ARHGEF10L: variants seen among roughly 807,000 people sequenced by gnomAD.
ARHGEF10L encodes Rho guanine nucleotide exchange factor 10 like.
In ARHGEF10L, 69 loss-of-function variants were observed where a neutral mutation model predicts 141.2. The ratio of observed to expected loss-of-function variants is 0.49; its 90% confidence interval spans 0.40 to 0.60. The LOEUF is 0.60. ARHGEF10L is among the 20% of genes least tolerant of loss of function. ARHGEF10L has a pLI of 0.00. For missense variants in ARHGEF10L, 1,482 were observed against 1,734.3 expected (o/e 0.85, Z 2.58); for synonymous variants, 711 against 718.5 (o/e 0.99, Z 0.17).
chr1:17,529,976 G>A, the ARHGEF10L span, among the ~76,000 whole-genome samples: 1 of 151,956 alleles, frequency 6.6e-6, no homozygotes, highest in Non-Finnish European at 1.5e-5. Flanking sequence ...GGGACTACAG[G>A]CGCCTGCCAC....
At chr1:17,566,893 G>T (rs2077777947) in intron 1 of ARHGEF10L, among the ~76,000 whole-genome samples, 1 of 152,022 alleles carries the variant, frequency 6.6e-6, no homozygotes, top group African/African-American at 2.4e-5. Context: ...GGATGCCAAG[G>T]GATGCAGACT....
chr1:17,614,001 G>T (rs1401581356), intron 8 of ARHGEF10L, among the ~76,000 whole-genome samples: 7 of 152,220 alleles, frequency 4.6e-5, no homozygotes, highest in Non-Finnish European at 7.3e-5. Context: ...AGTGGCTGTT[G>T]TTATCTACAT....
At chr1:17,571,907 G>C (rs2078017195) in intron 1 of ARHGEF10L, among the ~76,000 whole-genome samples, 2 of 152,160 alleles carry the variant, frequency 1.3e-5, no homozygotes, top group African/African-American at 4.8e-5. Context: ...TTCTACCCTA[G>C]AAAGACGTCC....
Position 17,623,602 on chromosome 1 carries a change from G to A in ARHGEF10L, c.1200+427G>A, listed in dbSNP as rs534444503. ...GGGAAAGGGCACTGGCTCACGATCC[G>A]GGGGACCTGGTTCTGGTCCCAGCTC... On this transcript the variant is annotated intron_variant, in intron 12 of 28. Coordinates refer to ENST00000361221, the MANE Select transcript of ARHGEF10L (RefSeq NM_018125.4). The surrounding 1 kb of genome is among the most constrained non-coding windows in gnomAD (Gnocchi z 4.7). 2.0e-5 allele frequency among the ~76,000 whole-genome samples: 3 copies of A among 152,258 alleles called. No homozygotes were observed. The highest frequency in any genetic ancestry group is 6.5e-5 in the Admixed American group (1 of 15,294).
chr1:17,632,566 T>A (rs2060760938), intron 16 of ARHGEF10L, 100 bp downstream of exon 16: 12 of 1,507,150 alleles, frequency 8.0e-6, no homozygotes, highest in Non-Finnish European at 8.2e-6. Flanking sequence ...TGGGACCCCA[T>A]GTGAGCTTGG....
At chr1:17,618,210 C>A in intron 9 of ARHGEF10L, 1 of 1,016,834 alleles carries the variant, frequency 9.8e-7, no homozygotes, top group Non-Finnish European at 1.4e-6. Context: ...GGAACTCTTC[C>A]TGGGTCACCC....
intron 9 of ARHGEF10L, chr1:17,618,631 A>T: frequency 1.2e-6 from 1 of 816,934 alleles, no homozygotes; most frequent in African/African-American, 1.8e-5. Context: ...GCCCACAGCC[A>T]CCGCTGGAGT....
rs763675472 is a variant in ARHGEF10L at position 17,644,729 on chromosome 1, C to G, written c.2273-3825C>G. Among the ~76,000 whole-genome samples the G allele has an allele frequency of 6.6e-6, 1 of 151,858 alleles. No individual in the cohort carries two copies. The highest frequency in any genetic ancestry group is 6.6e-5 in the Admixed American group (1 of 15,254). On this transcript the variant is annotated intron_variant, in intron 21 of 28. Transcript: ENST00000361221. This position sits in a 1 kb window ranked among gnomAD's most constrained non-coding sequence, Gnocchi z 4.5. ...CCCAGTAGGAGTCTGGGAGGCAGGTCGGGCTGGAGAAGCAGGGCTGGGCCC... is the reference window on the plus strand; with the variant it reads ...CCCAGTAGGAGTCTGGGAGGCAGGTGGGGCTGGAGAAGCAGGGCTGGGCCC...
At chr1:17,686,074 TTTTTTTTCTTTC>T (rs1243472261) in intron 26 of ARHGEF10L, among the ~76,000 whole-genome samples, 2 of 137,242 alleles carry the variant, frequency 1.5e-5, no homozygotes, top group Admixed American at 6.9e-5. Context: ...TTTTGTTTTG[TTTTTTTTCTTTC>T]TTTCTTTCTT....
chr1:17,539,545 G>A (rs568324495), upstream of ARHGEF10L, among the ~76,000 whole-genome samples: 87 of 151,962 alleles, frequency 5.7e-4, 2 homozygotes, highest in South Asian at 0.018. This position sits in a 1 kb window ranked among gnomAD's most constrained non-coding sequence, Gnocchi z 6.0. Flanking sequence ...TGCCGGGACC[G>A]CTGGGGGCTC....
chr1:17,537,566 G>A (rs1404304452), upstream of ARHGEF10L, among the ~76,000 whole-genome samples: 1 of 152,156 alleles, frequency 6.6e-6, no homozygotes, highest in African/African-American at 2.4e-5. Flanking sequence ...AGGAGGGAGA[G>A]GTCAGGGAAT....
chr1:17,595,631 C>T (rs75240312), intron 4 of ARHGEF10L, among the ~76,000 whole-genome samples: 35 of 152,190 alleles, frequency 2.3e-4, no homozygotes, highest in African/African-American at 5.8e-4. Context: ...GAGAGACACA[C>T]GGGGTCCTGG....
At chr1:17,556,273 G>GGC (rs1553171061) in intron 1 of ARHGEF10L, among the ~76,000 whole-genome samples, 6 of 50,790 alleles carry the variant, frequency 1.2e-4, no homozygotes, top group African/African-American at 5.5e-4. Context: ...GCATGGCGGC[G>GGC]GGGGGGGGGC....
Position 17,654,719 on chromosome 1 carries a change from C to T in ARHGEF10L, c.2478C>T (p.Leu826=). Reference sequence around the variant, plus strand: ...GCACCTCCCTTCCACAGGGCTACCTCTGGGTGAGTCACCCCCCTGCCCAGC... The same window carrying T: ...GCACCTCCCTTCCACAGGGCTACCTTTGGGTGAGTCACCCCCCTGCCCAGC... ...AVSTSLPQGY[L]WVGGGQEGAG... The change falls in exon 23 of 29, where the codon CTC becomes CTT. Residue 826 remains leucine, a synonymous_variant. Transcript: ENST00000361221. The surrounding 1 kb of genome is among the most constrained non-coding windows in gnomAD (Gnocchi z 4.3). 1 of 1,613,872 alleles carries T rather than the reference C, an allele frequency of 6.2e-7. No individual in the cohort carries two copies.
At chr1:17,523,512 G>A in the ARHGEF10L span, among the ~76,000 whole-genome samples, 3 of 152,208 alleles carry the variant, frequency 2.0e-5, no homozygotes, top group African/African-American at 7.2e-5. Context: ...GGAAGCTGAA[G>A]TCCAGAAAGA....
At chr1:17,601,080 A>G (rs2080635887) in intron 4 of ARHGEF10L, among the ~76,000 whole-genome samples, 1 of 151,794 alleles carries the variant, frequency 6.6e-6, no homozygotes, top group Non-Finnish European at 1.5e-5. Context: ...AAAAAACAAA[A>G]AACTCTAAAA....
the ARHGEF10L span, among the ~76,000 whole-genome samples, chr1:17,524,891 C>A: frequency 2.0e-5 from 3 of 152,190 alleles, no homozygotes; most frequent in Admixed American, 1.3e-4. Context: ...GGTTTAGGAG[C>A]TTAGCAGGTA....
At chr1:17,686,737 T>C (rs2064634655) in intron 26 of ARHGEF10L, among the ~76,000 whole-genome samples, 1 of 152,162 alleles carries the variant, frequency 6.6e-6, no homozygotes, top group Non-Finnish European at 1.5e-5. Context: ...CCCCGAATGC[T>C]GAGCTAAGGA....
intron 1 of ARHGEF10L, among the ~76,000 whole-genome samples, chr1:17,559,313 G>A (rs2077459597): frequency 6.6e-6 from 1 of 152,200 alleles, no homozygotes; most frequent in Admixed American, 6.5e-5. Flanking sequence ...GGCAGCTTCG[G>A]TGTGGAGCTT....
Sources: allele counts gnomAD v4.1 joint callset (sites outside exome capture counted in the v4.1 genomes callset), GRCh38; gene constraint gnomAD v4.1.1; non-coding constraint Gnocchi (gnomAD v3.1); transcripts MANE v1.5; gene names NCBI Gene and HGNC (gene_info 2026-07-23, HGNC 2026-07-21).